The following MYMK variants were observed in gnomAD, a reference collection of about 807,000 sequenced individuals.
The protein encoded by MYMK is protein myomaker.
In MYMK, 16 loss-of-function variants were observed where a neutral mutation model predicts 22.4. The ratio of observed to expected loss-of-function variants is 0.72; its 90% CI spans 0.48 to 1.09. The LOEUF (loss-of-function observed/expected upper bound fraction) is 1.09. Ranked by LOEUF, MYMK falls within the 50% of genes least tolerant of loss-of-function variation. The pLI is 0.00. For missense variants in MYMK, 250 were observed against 295.6 expected (o/e 0.85, Z 1.13); for synonymous variants, 125 against 127.0 (o/e 0.98, Z 0.11).
At chr9:133,521,355 CA>C (rs747107959) in intron 1 of MYMK, among the ~76,000 whole-genome samples, 3 of 152,188 alleles carry the variant, frequency 2.0e-5, no homozygotes, top group Non-Finnish European at 4.4e-5. Context: ...GCGGGAGGAG[CA>C]GGCGTGCTGG....
chr9:133,517,843 C>G (rs776933562), intron 3 of MYMK, among the ~76,000 whole-genome samples: 1 of 152,164 alleles, frequency 6.6e-6, no homozygotes, highest in Non-Finnish European at 1.5e-5. Context: ...CACCAGAACT[C>G]GAGCGCTCTC....
intron 1 of MYMK, among the ~76,000 whole-genome samples, chr9:133,523,150 G>T (rs1446783038): frequency 6.6e-6 from 1 of 152,238 alleles, no homozygotes; most frequent in East Asian, 1.9e-4. Flanking sequence ...GCCCACACGT[G>T]CACACTCAGC....
rs1844619837 is a variant in MYMK at position 133,515,450 on chromosome 9, G to A, written c.516+41C>T. ...CCAGCTGAGCAGAGCCATGCCGAGT[G>A]GGCTCTGGGGCACAGGACACCTCCC... On this transcript the variant is annotated intron_variant, in intron 4 of 4. Coordinates refer to ENST00000339996, the MANE Select transcript of MYMK (RefSeq NM_001080483.3). The surrounding 1 kb of genome is among the most constrained non-coding windows in gnomAD (Gnocchi z 5.8). 7.4e-7 allele frequency: 1 copy of A among 1,356,812 alleles called. No individual in the cohort carries two copies. The highest frequency in any genetic ancestry group is 1.1e-6 in the Non-Finnish European group (1 of 949,470). 84.0% of individuals were successfully genotyped at this position (1,356,812 alleles called of 1,614,324 possible).
chr9:133,516,889 G>A (rs1211354474), intron 3 of MYMK, among the ~76,000 whole-genome samples: 3 of 152,218 alleles, frequency 2.0e-5, no homozygotes, highest in African/African-American at 2.4e-5. Context: ...AAGAGGGGAC[G>A]AGGCTCAGGG....
chr9:133,518,734 TG>T, intron 3 of MYMK, 139 bp downstream of exon 3: 1 of 1,091,846 alleles, frequency 9.2e-7, no homozygotes, highest in Admixed American at 2.5e-5. Context: ...ATTTTCTACG[TG>T]GTTTTGCTGA....
chr9:133,518,031 T>A (rs937264252), intron 3 of MYMK, among the ~76,000 whole-genome samples: 6 of 152,290 alleles, frequency 3.9e-5, no homozygotes, highest in African/African-American at 7.2e-5. Context: ...AGCACAGGGA[T>A]GTTCAGGCGG....
chr9:133,520,389 C>A, intron 1 of MYMK, 101 bp from the exon 2 acceptor site: 1 of 869,252 alleles, frequency 1.2e-6, no homozygotes, highest in South Asian at 1.5e-5. Flanking sequence ...TGTGAGAAGT[C>A]ACTTTGGCGA....
chr9:133,518,815 C>A, intron 3 of MYMK, 59 bp downstream of exon 3: 1 of 1,566,448 alleles, frequency 6.4e-7, no homozygotes, highest in Non-Finnish European at 8.7e-7. Context: ...AGGAGTCAGA[C>A]AGGGGAGAGG....
Position 133,519,447 on chromosome 9 carries a change from C to T in MYMK, c.251-425G>A, listed in dbSNP as rs1027564881. 4.3e-4 allele frequency among the ~76,000 whole-genome samples: 65 copies of T among 152,110 alleles called. 3 individuals carry two copies. On this transcript the variant is annotated intron_variant, in intron 2 of 4. Coordinates refer to ENST00000339996, the MANE Select transcript of MYMK (RefSeq NM_001080483.3). ...TCGTGGTGCATGCCTGTCATCCCAG[C>T]TACTTGGGAGGCTGAGGTGGGAGGA...
At chr9:133,516,407 G>C (rs1844632058) in intron 3 of MYMK, among the ~76,000 whole-genome samples, 1 of 152,196 alleles carries the variant, frequency 6.6e-6, no homozygotes, top group African/African-American at 2.4e-5. Context: ...CCTCGGAGTG[G>C]GGCCAGACCC....
chr9:133,516,152 G>A (rs1022498766), intron 3 of MYMK, among the ~76,000 whole-genome samples: 2 of 152,270 alleles, frequency 1.3e-5, no homozygotes, highest in South Asian at 2.1e-4. Flanking sequence ...GAAGGCTCGC[G>A]TGGGCGTTTC....
In MYMK at chr9:133,524,926, C is replaced by G; in HGVS notation, c.-82G>C. On this transcript the variant is annotated 5_prime_UTR_variant, in exon 1 of 5. Coordinates refer to ENST00000339996, the MANE Select transcript of MYMK (RefSeq NM_001080483.3). ...AGCACAGGAGCACGAAGTGGGAAGG[C>G]CAGCTCCCTTTGGGCAGGGCTCTGA... The G allele has an allele frequency of 6.7e-7, 1 of 1,495,636 alleles. No homozygotes were observed. The allele number at this position is 1,495,636 out of a possible 1,614,324, so 92.6% of individuals were successfully genotyped here. A position where few individuals can be genotyped will look rare whatever the true frequency, so the allele number is the denominator to read the frequency against.
intron 3 of MYMK, among the ~76,000 whole-genome samples, chr9:133,516,160 T>C (rs939093749): frequency 6.6e-6 from 1 of 152,240 alleles, no homozygotes; most frequent in Non-Finnish European, 1.5e-5. Context: ...GCGTGGGCGT[T>C]TCCACTTACA....
At chr9:133,523,202 T>C (rs1400655306) in intron 1 of MYMK, among the ~76,000 whole-genome samples, 2 of 152,248 alleles carry the variant, frequency 1.3e-5, no homozygotes, top group East Asian at 1.9e-4. Context: ...CAATTCAGGA[T>C]ACAAGCATAA....
chr9:133,519,721 T>TA lies in MYMK; in HGVS notation c.250+452dup, dbSNP rs148213521. 6.0e-3 allele frequency among the ~76,000 whole-genome samples: 905 copies of TA among 152,072 alleles called. 7 individuals carry two copies. The highest frequency in any genetic ancestry group is 0.021 in the African/African-American group (863 of 41,412). ...TGGGGACCTTGCCACAGACAACAGT[T>TA]ACGTGGAAAAAAACATGGTGGGAAA... is the stretch of plus-strand genomic sequence containing the variant. On this transcript the variant is annotated intron_variant, in intron 2 of 4. Transcript: ENST00000339996.
At chr9:133,514,833 G>C in intron 4 of MYMK, 48 bp from the exon 5 acceptor site, 2 of 1,584,658 alleles carry the variant, frequency 1.3e-6, no homozygotes, top group Non-Finnish European at 1.7e-6. Context: ...CCTCCCCGAG[G>C]CTCCTCCCTC....
chr9:133,518,465 G>A (rs991333200), intron 3 of MYMK, among the ~76,000 whole-genome samples: 3 of 152,262 alleles, frequency 2.0e-5, no homozygotes, highest in Non-Finnish European at 2.9e-5. Context: ...CTGGTAGTAA[G>A]AGCGGTGATG....
intron 1 of MYMK, among the ~76,000 whole-genome samples, chr9:133,524,448 C>T (rs1340854696): frequency 1.3e-5 from 2 of 152,100 alleles, no homozygotes; most frequent in Non-Finnish European, 2.9e-5. Flanking sequence ...ACTCAATGGC[C>T]CTGCTTCACC....
In MYMK at chr9:133,515,226, C is replaced by T. The variant is rs143202633; in HGVS notation, c.516+265G>A. Among the ~76,000 whole-genome samples, 579 of 152,184 alleles carry T rather than the reference C, an allele frequency of 3.8e-3. No individual in the cohort carries two copies. Among genetic ancestry groups the T allele is most frequent in the Middle Eastern group, 0.01 (3 of 294 alleles). ...CCAGGCGTCTCCCAGGCTGTGCTGC[C>T]GTCTGAGATGCCAGCTGTCTGTAGG... On this transcript the variant is annotated intron_variant, in intron 4 of 4. Coordinates refer to ENST00000339996, the MANE Select transcript of MYMK (RefSeq NM_001080483.3). The surrounding 1 kb of genome is among the most constrained non-coding windows in gnomAD (Gnocchi z 5.8).
Sources: allele counts gnomAD v4.1 joint callset (sites outside exome capture counted in the v4.1 genomes callset), GRCh38; gene constraint gnomAD v4.1.1; non-coding constraint Gnocchi (gnomAD v3.1); transcripts MANE v1.5; gene names NCBI Gene and HGNC (gene_info 2026-07-23, HGNC 2026-07-21).